DPYS: variants seen among roughly 807,000 people sequenced by gnomAD.
DPYS encodes the protein dihydropyrimidine amidohydrolase.
Under a neutral mutation model 50.3 loss-of-function variants are expected in DPYS, and 39 were observed. The observed-to-expected ratio is 0.78, with a 90% CI of 0.60 to 1.01. The LOEUF (loss-of-function observed/expected upper bound fraction) is 1.01, where lower values mean the gene tolerates loss of function less well. Among genes scored for constraint, DPYS ranks in the 50% least tolerant of loss-of-function variants. The pLI, the probability that DPYS is intolerant of heterozygous loss-of-function variation, is 0.00. For synonymous variants in DPYS, 245 were observed against 250.7 expected, an observed-to-expected ratio of 0.98 and a Z score of 0.22; for missense variants, 659 against 680.9, an observed-to-expected ratio of 0.97 and a Z score of 0.36.
intron 4 of DPYS, among the ~76,000 whole-genome samples, chr8:104,435,122 A>G (rs974427520): frequency 6.6e-6 from 1 of 152,208 alleles, no homozygotes; most frequent in Non-Finnish European, 1.5e-5. Flanking sequence ...TAATGATCCC[A>G]TATGCCAACA....
At position 104,466,642 on chromosome 8, in the gene DPYS, C is replaced by A; in HGVS notation, c.264+15G>T. The A allele has an allele frequency of 6.6e-7, 1 of 1,504,350 alleles. No homozygotes were observed. The highest frequency in any genetic ancestry group is 1.2e-5 in the South Asian group (1 of 80,714). The allele number at this position is 1,504,350 out of a possible 1,614,324, so 93.2% of individuals were successfully genotyped here. A position where few individuals can be genotyped will look rare whatever the true frequency, so the allele number is the denominator to read the frequency against. On this transcript the variant is annotated intron_variant, in intron 1 of 9. Coordinates refer to ENST00000351513, the MANE Select transcript of DPYS (RefSeq NM_001385.3). ...CCGTGGGTACCGCGGGGCGGGGGCG[C>A]GGCGGGGCGGGTACCTTGGTGCCCT...
intron 6 of DPYS, among the ~76,000 whole-genome samples, chr8:104,426,483 T>C (rs779088711): frequency 2.6e-5 from 4 of 152,136 alleles, no homozygotes; most frequent in Non-Finnish European, 5.9e-5. Flanking sequence ...CCAACTAGAA[T>C]GGTAGCAACG....
chr8:104,447,352 T>C lies in DPYS; in HGVS notation c.575A>G (p.His192Arg), dbSNP rs1813569557. ...TGCAATTAAGTCTCCATTTTCCGCA[T>C]GGACCTGGGCAATTGCTCCAATTTC... ...CKEIGAIAQV[H>R]AENGDLIAEG... The change falls in exon 3 of 10, where the codon CAT becomes CGT. Residue 192 changes from histidine to arginine, a missense_variant. Transcript: ENST00000351513. The C allele has an allele frequency of 6.2e-7, 1 of 1,614,188 alleles. No homozygotes were observed. The highest frequency in any genetic ancestry group is 8.5e-7 in the Non-Finnish European group (1 of 1,180,034).
At chr8:104,425,203 C>A (rs927913223) in intron 6 of DPYS, among the ~76,000 whole-genome samples, 2 of 151,622 alleles carry the variant, frequency 1.3e-5, no homozygotes, top group Admixed American at 6.6e-5. Flanking sequence ...GGTGACAACA[C>A]TTTTGAATCA....
In DPYS at chr8:104,436,367, T is replaced by C. The variant is rs546951319; in HGVS notation, c.794-6666A>G. On this transcript the variant is annotated intron_variant, in intron 4 of 9. Transcript: ENST00000351513. ...GCTCATGCCTATAATCCCAGCACTG[T>C]GGGAGGCAGAGGTGGGCGGATCACC... Among the ~76,000 whole-genome samples the C allele has an allele frequency of 1.1e-4, 16 of 152,210 alleles. No individual in the cohort carries two copies. The South Asian group carries it at 2.9e-3, about 28-fold the overall frequency.
intron 4 of DPYS, among the ~76,000 whole-genome samples, chr8:104,433,097 C>A (rs1813009464): frequency 6.6e-6 from 1 of 152,088 alleles, no homozygotes; most frequent in Non-Finnish European, 1.5e-5. Context: ...CATCTATAAG[C>A]CAAGAAGAAA....
At chr8:104,427,633 T>G (rs569789647) in intron 6 of DPYS, among the ~76,000 whole-genome samples, 27 of 152,108 alleles carry the variant, frequency 1.8e-4, no homozygotes, top group Middle Eastern at 3.4e-3. Flanking sequence ...CATGACGCAC[T>G]GGAATTCAAG....
chr8:104,382,079 G>A (rs570174925), intron 8 of DPYS, among the ~76,000 whole-genome samples: 2 of 152,274 alleles, frequency 1.3e-5, no homozygotes, highest in South Asian at 4.2e-4. Flanking sequence ...TGAAATGGGG[G>A]AAATAAACCT....
chr8:104,443,389 T>C (rs1363234453), intron 4 of DPYS, among the ~76,000 whole-genome samples: 1 of 152,132 alleles, frequency 6.6e-6, no homozygotes, highest in Non-Finnish European at 1.5e-5. Flanking sequence ...GGGGTAAAAA[T>C]AACTTAGATT....
At chr8:104,431,892 A>AT (rs1267109942) in intron 4 of DPYS, among the ~76,000 whole-genome samples, 1 of 152,178 alleles carries the variant, frequency 6.6e-6, no homozygotes, top group Admixed American at 6.6e-5. Flanking sequence ...GAAAAGTGCC[A>AT]TTTTTTATTA....
chr8:104,429,163 A>G, intron 5 of DPYS: 1 of 219,084 alleles, frequency 4.6e-6, no homozygotes, highest in Non-Finnish European at 9.2e-6. Context: ...AAAAATGATC[A>G]TATGTTCCCA....
chr8:104,464,425 C>G (rs1453890613), intron 1 of DPYS, among the ~76,000 whole-genome samples: 1 of 152,210 alleles, frequency 6.6e-6, no homozygotes, highest in Non-Finnish European at 1.5e-5. Flanking sequence ...GCTGCTTCAT[C>G]TGGAACCCTG....
intron 4 of DPYS, among the ~76,000 whole-genome samples, chr8:104,430,384 T>C (rs1812914073): frequency 6.6e-6 from 1 of 151,586 alleles, no homozygotes; most frequent in African/African-American, 2.4e-5. Flanking sequence ...GCGTACAATG[T>C]TAGAAAAGTT....
rs1231455599 is a variant in DPYS, at chr8:104,392,892, T to G, written c.1335A>C (p.Lys445Asn). The G allele has an allele frequency of 2.5e-6, 4 of 1,614,082 alleles. No homozygotes were observed. Among genetic ancestry groups the G allele is most frequent in the Non-Finnish European group, 3.4e-6 (4 of 1,180,040 alleles). ...TGAACACTCCGGCTTCATATACCAC[T>G]TTGCCTCTTGAAATAGTCACAAGGG... Reference protein sequence around the residue: ...GVPLVTISRGKVVYEAGVFSV... With the variant: ...GVPLVTISRGNVVYEAGVFSV... Residue 445 changes from lysine (K) to asparagine (N), a missense_variant, in exon 8 of 10, where the codon AAA becomes AAC. By Grantham distance (94) the Lys-to-Asn change is moderately conservative. Coordinates refer to ENST00000351513, the MANE Select transcript of DPYS (RefSeq NM_001385.3).
At chr8:104,456,173 G>C (rs1271816940) in intron 1 of DPYS, among the ~76,000 whole-genome samples, 2 of 152,168 alleles carry the variant, frequency 1.3e-5, no homozygotes, top group Non-Finnish European at 2.9e-5. Flanking sequence ...GCCTAGGCGT[G>C]TAGTAGGCTA....
chr8:104,419,159 T>C (rs913147590), intron 7 of DPYS: 4 of 681,626 alleles, frequency 5.9e-6, no homozygotes, highest in Non-Finnish European at 7.2e-6. Context: ...CATTCATTCT[T>C]CTAACACAGT....
chr8:104,444,218 G>A, intron 4 of DPYS, 30 bp downstream of exon 4: 1 of 1,613,130 alleles, frequency 6.2e-7, no homozygotes, highest in Middle Eastern at 1.7e-4. Flanking sequence ...CTAACACTGA[G>A]TTCTAAGTGA....
At chr8:104,451,481 A>G (rs748017869) in intron 1 of DPYS, 77 bp from the exon 2 acceptor site, 139 of 1,589,396 alleles carry the variant, frequency 8.7e-5, no homozygotes, top group Non-Finnish European at 1.1e-4. Context: ...AACAATGTGC[A>G]TTTGTAAGCA....
chr8:104,448,376 G>T (rs951207967), intron 2 of DPYS, among the ~76,000 whole-genome samples: 1 of 152,068 alleles, frequency 6.6e-6, no homozygotes, highest in Admixed American at 6.5e-5. Context: ...GGCTGGTCTT[G>T]CATTCCCGAC....
Sources: allele counts gnomAD v4.1 joint callset (sites outside exome capture counted in the v4.1 genomes callset), GRCh38; gene constraint gnomAD v4.1.1; transcripts MANE v1.5; gene names NCBI Gene and HGNC (gene_info 2026-07-23, HGNC 2026-07-21).